The following GGCT variants were observed in gnomAD, a reference collection of about 807,000 sequenced individuals.
The protein encoded by GGCT is gamma-glutamylcyclotransferase.
GGCT carries 20 observed loss-of-function variants against 22.1 expected under a neutral mutation model. The ratio of observed to expected loss-of-function variants is 0.91; its 90% CI spans 0.64 to 1.32. The LOEUF is 1.32. Ranked by LOEUF, GGCT falls within the 40% of genes most tolerant of loss-of-function variation. The pLI is 0.00. For synonymous variants in GGCT, 72 were observed against 78.4 expected (o/e 0.92, Z 0.43); for missense variants, 209 against 223.5 (o/e 0.94, Z 0.41).
At chr7:30,499,633 A>G (rs1324765767) in intron 2 of GGCT, among the ~76,000 whole-genome samples, 3 of 151,542 alleles carry the variant, frequency 2.0e-5, no homozygotes, top group African/African-American at 7.3e-5. Flanking sequence ...AATCACTGGA[A>G]CCCGGGAGGC....
At chr7:30,498,704 C>A (rs1562741335) in intron 3 of GGCT, 99 bp downstream of exon 3, 2 of 1,073,736 alleles carry the variant, frequency 1.9e-6, no homozygotes, top group Non-Finnish European at 2.8e-6. Flanking sequence ...CAGGCATGAG[C>A]CACCACGTTG....
chr7:30,496,967 A>G lies in GGCT; in HGVS notation c.*125T>C. The G allele has an allele frequency of 1.8e-6, 1 of 563,440 alleles. No homozygotes were observed. Among genetic ancestry groups the G allele is most frequent in the Non-Finnish European group, 3.0e-6 (1 of 333,862 alleles). 34.9% of individuals were successfully genotyped at this position (563,440 alleles called of 1,614,324 possible). On this transcript the variant is annotated 3_prime_UTR_variant, in exon 4 of 4. Coordinates refer to ENST00000275428, the MANE Select transcript of GGCT (RefSeq NM_024051.4). ...CTAAAAACAAGGAATCACCCAAGTA[A>G]GATACTCCTTCAGAGCACTGCTGAA...
rs533042373 is a variant in GGCT at position 30,503,418 on chromosome 7, G to A, written c.141+1151C>T. On this transcript the variant is annotated intron_variant, in intron 1 of 3. Coordinates refer to ENST00000275428, the MANE Select transcript of GGCT (RefSeq NM_024051.4). The stretch of plus-strand genomic sequence containing the variant: ...GCCAGAAGCTGGTTCTCTCAGTTTT[G>A]CTTAAAATCACGGCATGGGTACGTG... 1.2e-3 allele frequency among the ~76,000 whole-genome samples: 177 copies of A among 152,248 alleles called. 1 individual carries two copies. Among genetic ancestry groups the A allele is most frequent in the African/African-American group, 4.0e-3 (167 of 41,542 alleles).
chr7:30,498,368 T>C (rs993721103), intron 3 of GGCT, among the ~76,000 whole-genome samples: 10 of 152,118 alleles, frequency 6.6e-5, no homozygotes, highest in African/African-American at 2.4e-4. Context: ...TTTAAAAACA[T>C]TTTTATTAAA....
chr7:30,502,186 T>A (rs1789719233), intron 1 of GGCT, among the ~76,000 whole-genome samples: 1 of 152,252 alleles, frequency 6.6e-6, no homozygotes, highest in Non-Finnish European at 1.5e-5. Flanking sequence ...ATGCAAGAAC[T>A]TTTTTGCTTA....
At chr7:30,500,807 G>T in intron 1 of GGCT, 126 bp from the exon 2 acceptor site, 2 of 637,272 alleles carry the variant, frequency 3.1e-6, no homozygotes, top group African/African-American at 1.8e-5. Flanking sequence ...TTCCTTCTAT[G>T]CATAAGAAGC....
intron 3 of GGCT, 60 bp from the exon 4 acceptor site, chr7:30,497,295 G>A (rs1472823873): frequency 2.0e-5 from 26 of 1,273,440 alleles, no homozygotes; most frequent in African/African-American, 4.6e-5. Context: ...ATAATTTAAC[G>A]TACCATACCA....
At chr7:30,497,707 A>G in intron 3 of GGCT, 1 of 1,283,078 alleles carries the variant, frequency 7.8e-7, no homozygotes, top group Non-Finnish European at 1.0e-6. Flanking sequence ...TTTCATACTA[A>G]AAAATTCCAA....
At chr7:30,499,661 G>A (rs1002476334) in intron 2 of GGCT, among the ~76,000 whole-genome samples, 1 of 151,568 alleles carries the variant, frequency 6.6e-6, no homozygotes, top group Non-Finnish European at 1.5e-5. Context: ...GGGGTGAGCC[G>A]AGATCACGCC....
chr7:30,497,897 C>T, intron 3 of GGCT: 1 of 1,398,598 alleles, frequency 7.2e-7, no homozygotes, highest in Non-Finnish European at 9.5e-7. Context: ...CTTTCTCCAC[C>T]TAGGGATGAA....
intron 1 of GGCT, among the ~76,000 whole-genome samples, chr7:30,503,163 G>C (rs974516796): frequency 2.0e-5 from 3 of 152,210 alleles, no homozygotes; most frequent in African/African-American, 7.2e-5. Flanking sequence ...GCTTTCCTGA[G>C]CATCCTGGTT....
At chr7:30,498,767 T>G in intron 3 of GGCT, 36 bp downstream of exon 3, 1 of 1,569,344 alleles carries the variant, frequency 6.4e-7, no homozygotes, top group Non-Finnish European at 8.7e-7. Flanking sequence ...CAGTGAAATT[T>G]AAAAAGTAAT....
chr7:30,502,569 TTTCAAA>T (rs1207505109), intron 1 of GGCT, among the ~76,000 whole-genome samples: 1 of 152,234 alleles, frequency 6.6e-6, no homozygotes, highest in Non-Finnish European at 1.5e-5. Context: ...TTAGCAAGCA[TTTCAAA>T]TTCAAAATGT....
At chr7:30,497,908 A>T in intron 3 of GGCT, 1 of 1,375,062 alleles carries the variant, frequency 7.3e-7, no homozygotes, top group Non-Finnish European at 9.6e-7. Flanking sequence ...TAGGGATGAA[A>T]AACATTTCAG....
intron 2 of GGCT, among the ~76,000 whole-genome samples, chr7:30,499,710 T>C (rs1285306100): frequency 6.7e-6 from 1 of 149,598 alleles, no homozygotes; most frequent in Non-Finnish European, 1.5e-5. Context: ...GAGACTCCGT[T>C]ACAAAAAAAA....
At chr7:30,497,547 A>G (rs534394682) in intron 3 of GGCT, 7 of 381,394 alleles carry the variant, frequency 1.8e-5, no homozygotes, top group African/African-American at 8.5e-5. Context: ...GAAAAAAAAT[A>G]CCATTCTTCA....
chr7:30,497,415 T>C lies in GGCT; in HGVS notation c.424-180A>G, dbSNP rs140762309. 3.8e-3 allele frequency: 1,623 copies of C among 424,408 alleles called. 31 individuals carry two copies. Among genetic ancestry groups the C allele is most frequent in the African/African-American group, 0.03 (1,484 of 49,014 alleles). 26.3% of individuals were successfully genotyped at this position (424,408 alleles called of 1,614,324 possible). On this transcript the variant is annotated intron_variant, in intron 3 of 3. Coordinates refer to ENST00000275428, the MANE Select transcript of GGCT (RefSeq NM_024051.4). Reference sequence around the variant, plus strand: ...ATTCCTCTCACACTGAGCATGAATGTGTATGGAGTTTTCAAAGCCAAATGA... The same window carrying C: ...ATTCCTCTCACACTGAGCATGAATGCGTATGGAGTTTTCAAAGCCAAATGA...
chr7:30,500,433 T>C, intron 2 of GGCT, 103 bp downstream of exon 2: 1 of 839,118 alleles, frequency 1.2e-6, no homozygotes, highest in Admixed American at 2.1e-5. Flanking sequence ...TGAATATGTC[T>C]GTAGTATGTG....
Position 30,504,581 on chromosome 7 carries a change from C to G in GGCT, c.129G>C (p.Val43=), listed in dbSNP as rs1464770668. 6.2e-7 allele frequency: 1 copy of G among 1,613,614 alleles called. No homozygotes were observed. Among genetic ancestry groups the G allele is most frequent in the African/African-American group, 1.3e-5 (1 of 74,954 alleles). ...AGGGGGCACTCACCTGCAGGCGGGC[C>G]ACACAGAAGAACGCCGCCGAGGGGT... ...LRNPSAAFFC[V]ARLQDFKLDF... Residue 43 remains valine, a synonymous_variant, in exon 1 of 4, where the codon GTG becomes GTC. Transcript: ENST00000275428.
Sources: gnomAD v4.1 joint callset for allele counts (sites outside exome capture counted in the v4.1 genomes callset) on GRCh38, gnomAD v4.1.1 for gene constraint, MANE v1.5 for transcripts, NCBI Gene and HGNC (gene_info 2026-07-23, HGNC 2026-07-21) for gene names.